EIF3I: variants seen among roughly 807,000 people sequenced by gnomAD.
EIF3I encodes TGF-beta receptor-interacting protein 1.
A neutral mutation model predicts 43.3 loss-of-function variants in EIF3I; 20 were observed. That is an observed-to-expected ratio of 0.46 (90% CI 0.32 to 0.67). The LOEUF (loss-of-function observed/expected upper bound fraction) is 0.67, where lower values mean the gene tolerates loss of function less well. EIF3I is among the 30% of genes least tolerant of loss of function. The pLI, the probability that EIF3I is intolerant of heterozygous loss-of-function variation, is 0.03. For missense variants in EIF3I, 279 were observed against 421.4 expected (o/e 0.66, Z 2.96); for synonymous variants, 167 against 151.7 (o/e 1.10, Z -0.74).
chr1:32,231,362 A>G (rs1415731507), downstream of EIF3I: 15 of 572,196 alleles, frequency 2.6e-5, no homozygotes. Context: ...ATGGTGGCAC[A>G]CGCCTATAGT....
At chr1:32,227,275 TAAAAAAAAAAAA>T (rs1005926284) in intron 6 of EIF3I, among the ~76,000 whole-genome samples, 3 of 55,424 alleles carry the variant, frequency 5.4e-5, no homozygotes, top group Admixed American at 2.1e-4. Flanking sequence ...ACCCTGTCTC[TAAAAAAAAAAAA>T]AAAAAAAAAA....
intron 6 of EIF3I, among the ~76,000 whole-genome samples, chr1:32,227,116 T>C (rs1022877477): frequency 2.6e-5 from 4 of 151,086 alleles, no homozygotes; most frequent in Non-Finnish European, 5.9e-5. Context: ...GCACACTAGT[T>C]CAGAACAAGG....
intron 4 of EIF3I, 34 bp downstream of exon 4, chr1:32,224,509 T>C (rs756338795): frequency 1.4e-5 from 21 of 1,546,356 alleles, no homozygotes; most frequent in Non-Finnish European, 1.8e-5. Context: ...TTAGCAAATA[T>C]TGAGGACCTA....
intron 6 of EIF3I, among the ~76,000 whole-genome samples, chr1:32,227,226 A>C (rs1469640454): frequency 7.0e-6 from 1 of 143,426 alleles, no homozygotes; most frequent in African/African-American, 2.6e-5. Flanking sequence ...GCAGTGAGCT[A>C]TGATTGCACC....
At chr1:32,226,061 G>C in intron 4 of EIF3I, 110 bp from the exon 5 acceptor site, 1 of 1,373,766 alleles carries the variant, frequency 7.3e-7, no homozygotes, top group South Asian at 1.4e-5. Context: ...TACTTTTTAA[G>C]TTTGGGTCAC....
chr1:32,227,009 T>G (rs1639158041), intron 6 of EIF3I, among the ~76,000 whole-genome samples: 1 of 151,438 alleles, frequency 6.6e-6, no homozygotes, highest in East Asian at 1.9e-4. Context: ...ATTTTTGTAT[T>G]TTTAGTAGAG....
At chr1:32,223,896 G>T in intron 2 of EIF3I, 138 bp from the exon 3 acceptor site, 1 of 729,372 alleles carries the variant, frequency 1.4e-6, no homozygotes, top group South Asian at 1.7e-5. Flanking sequence ...CTTTTTACCA[G>T]CTCCCTGCTG....
At chr1:32,235,570 C>T (rs575839945), downstream of EIF3I, among the ~76,000 whole-genome samples, 3 of 152,306 alleles carry the variant, frequency 2.0e-5, no homozygotes, top group South Asian at 2.1e-4. Flanking sequence ...CCGCCCACCT[C>T]GGCCTCCCAA....
chr1:32,226,356 G>T (rs1238654737), intron 5 of EIF3I, 36 bp downstream of exon 5: 2 of 1,613,852 alleles, frequency 1.2e-6, no homozygotes, highest in Non-Finnish European at 1.7e-6. Flanking sequence ...TTGAGGTAAA[G>T]GGTACAGTTC....
chr1:32,225,692 G>A (rs186859603), intron 4 of EIF3I, among the ~76,000 whole-genome samples: 2 of 149,386 alleles, frequency 1.3e-5, no homozygotes, highest in South Asian at 2.1e-4. Flanking sequence ...TCACACCATC[G>A]CACAGCAGCC....
At chr1:32,228,460 G>A (rs1053145904) in intron 6 of EIF3I, 39 bp from the exon 7 acceptor site, 3 of 1,556,668 alleles carry the variant, frequency 1.9e-6, no homozygotes, top group Non-Finnish European at 2.7e-6. Context: ...GATTAGTAGG[G>A]ATTGGGCCCA....
At chr1:32,231,756 C>T (rs1639240722), downstream of EIF3I, 2 of 153,978 alleles carry the variant, frequency 1.3e-5, no homozygotes, top group East Asian at 1.9e-4. Context: ...GGGTTGCAGG[C>T]ACCCTCATCC....
exon 4 of EIF3I, chr1:32,224,447 C>T (rs766984395): frequency 6.2e-7 from 1 of 1,613,806 alleles, no homozygotes; most frequent in Non-Finnish European, 8.5e-7. Flanking sequence ...CAGCTGACAA[C>T]AGCTGTCGTC....
intron 6 of EIF3I, 34 bp downstream of exon 6, chr1:32,226,564 AT>A: frequency 7.0e-7 from 1 of 1,421,636 alleles, no homozygotes. Context: ...GCCTACCAGA[AT>A]AATTTTTTTT....
At chr1:32,222,547 C>T (rs1481815180) in exon 2 of EIF3I, 2 of 1,614,188 alleles carry the variant, frequency 1.2e-6, no homozygotes, top group East Asian at 4.5e-5. Context: ...GAAGCCGATC[C>T]TACTGCAGGG....
At chr1:32,223,102 C>T (rs1001605814) in intron 2 of EIF3I, among the ~76,000 whole-genome samples, 2 of 152,144 alleles carry the variant, frequency 1.3e-5, no homozygotes, top group Non-Finnish European at 2.9e-5. Context: ...TCAGCTTGCC[C>T]AGAGAACGGG....
chr1:32,228,469 C>T, intron 6 of EIF3I, 30 bp from the exon 7 acceptor site: 1 of 1,581,006 alleles, frequency 6.3e-7, no homozygotes, highest in Non-Finnish European at 8.7e-7. Context: ...GGATTGGGCC[C>T]ATTCAGTGTC....
At position 32,229,310 on chromosome 1, in the gene EIF3I, G is replaced by T. The variant is rs564766849; in HGVS notation, c.803+102G>T. The stretch of plus-strand genomic sequence containing the variant: ...GAGTCTCGCTCTGTCGCCTAGGCTG[G>T]AGCGCAGTGGCGTGATCTCTGCTCA... On this transcript the variant is annotated intron_variant, in intron 9 of 11. Coordinates refer to ENST00000676679, the Ensembl canonical transcript of EIF3I. 4 of 1,260,788 alleles carry T rather than the reference G, an allele frequency of 3.2e-6. No homozygotes were observed. The East Asian group carries it at 9.6e-5, about 30-fold the overall frequency. The allele number at this position is 1,260,788 out of a possible 1,614,324, so 78.1% of individuals were successfully genotyped here. A position where few individuals can be genotyped will look rare whatever the true frequency, so the allele number is the denominator to read the frequency against.
rs1357186910 is a variant in EIF3I at position 32,224,511 on chromosome 1, G to A, written c.250+36G>A. On this transcript the variant is annotated intron_variant, in intron 4 of 11. Transcript: ENST00000676679. ...TTCATTCACCTTTTTAGCAAATATT[G>A]AGGACCTACAGTGTACCTGTTTGAG... 3 of 1,537,516 alleles carry A rather than the reference G, an allele frequency of 2.0e-6. No individual in the cohort carries two copies. In the African/African-American group the frequency reaches 4.1e-5, roughly 21 times the overall value.
Sources: allele counts gnomAD v4.1 joint callset (sites outside exome capture counted in the v4.1 genomes callset), GRCh38; gene constraint gnomAD v4.1.1; transcripts MANE v1.5; gene names NCBI Gene and HGNC (gene_info 2026-07-23, HGNC 2026-07-21).